The following RNF19A variants were observed in gnomAD, a reference collection of about 807,000 sequenced individuals.
RNF19A encodes ring finger protein 19A, RBR E3 ubiquitin protein ligase.
A neutral mutation model predicts 75.7 loss-of-function variants in RNF19A; 32 were observed. That is an observed-to-expected ratio of 0.42 (90% CI 0.32 to 0.57). RNF19A has a LOEUF of 0.57. Among genes scored for constraint, RNF19A ranks in the 20% least tolerant of loss-of-function variants. The probability of loss-of-function intolerance (pLI) is 0.10; values close to 1 mark genes in which losing one functional copy is unlikely to be tolerated. For synonymous variants in RNF19A, 335 were observed against 345.2 expected (o/e 0.97, Z 0.33); for missense variants, 782 against 1,036.3 (o/e 0.75, Z 3.37).
intron 1 of RNF19A, among the ~76,000 whole-genome samples, chr8:100,321,140 A>G (rs1788180): frequency 0.46 from 70,183 of 152,028 alleles, 17,150 homozygotes; most frequent in African/African-American, 0.63. Context: ...TTGCCACATC[A>G]ATTGACTCTT....
At chr8:100,311,008 T>C (rs1431264789), upstream of RNF19A, among the ~76,000 whole-genome samples, 1 of 152,230 alleles carries the variant, frequency 6.6e-6, no homozygotes, top group Non-Finnish European at 1.5e-5. Flanking sequence ...TAACATAGAA[T>C]ACTGAGAAAC....
rs748719285 is a variant in RNF19A, at chr8:100,259,925, T to G, written c.1755A>C (p.Gly585=). 4.3e-6 allele frequency: 7 copies of G among 1,613,984 alleles called. No individual in the cohort carries two copies. The South Asian group carries it at 7.7e-5, about 18-fold the overall frequency. Residue 585 remains glycine, a synonymous_variant, in exon 9 of 10, where the codon GGA becomes GGC. Coordinates refer to ENST00000341084, the MANE Select transcript of RNF19A (RefSeq NM_183419.4). This position sits in a 1 kb window ranked among gnomAD's most constrained non-coding sequence, Gnocchi z 4.5. ...LSGESGTVSL[G]TVSDNASTKA... ...TGGTGCTGGCATTATCACTAACTGT[T>G]CCCAAGCTGACTGTGCCAGATTCTC...
At chr8:100,295,924 T>C (rs770720767) in intron 1 of RNF19A, among the ~76,000 whole-genome samples, 13 of 152,318 alleles carry the variant, frequency 8.5e-5, no homozygotes, top group Non-Finnish European at 1.5e-4. Flanking sequence ...AAAAATCACA[T>C]TTAAATGTTA....
rs767173476 is a variant in RNF19A at position 100,268,896 on chromosome 8, T to C, written c.1080A>G (p.Lys360=). The change falls in exon 5 of 10, where the codon AAA becomes AAG. Residue 360 remains lysine (K), a synonymous_variant. Coordinates refer to ENST00000341084, the MANE Select transcript of RNF19A (RefSeq NM_183419.4). ...CCAGTGTTCCCAGTTGCCACAATAT[T>C]TTCTTCTTTCGGCTCCAGGGTTTCT... ...WGKKPWSRKK[K]ILWQLGTLVG... is the part of the protein sequence containing the mutation. The C allele has an allele frequency of 1.9e-6, 3 of 1,602,658 alleles. No individual in the cohort carries two copies. In the South Asian group the frequency reaches 3.3e-5, roughly 18 times the overall value.
In RNF19A at chr8:100,296,704, A is replaced by G. The variant is rs1821581102; in HGVS notation, c.-93-8437T>C. 2.0e-5 allele frequency among the ~76,000 whole-genome samples: 3 copies of G among 152,244 alleles called. No individual in the cohort carries two copies. In the South Asian group the frequency reaches 6.2e-4, roughly 31 times the overall value. ...GCTGAGATGTCAGATTTAACTTGCCAGTAAAAGTTAACAGTTTCTGTAAAT... is the reference window on the plus strand; with the variant it reads ...GCTGAGATGTCAGATTTAACTTGCCGGTAAAAGTTAACAGTTTCTGTAAAT... On this transcript the variant is annotated intron_variant, in intron 1 of 9. Coordinates refer to ENST00000341084, the MANE Select transcript of RNF19A (RefSeq NM_183419.4).
rs563545480 is a variant in RNF19A, at chr8:100,260,577, G to T, written c.1683-580C>A. On this transcript the variant is annotated intron_variant, in intron 8 of 9. Transcript: ENST00000341084. The surrounding 1 kb of genome is among the most constrained non-coding windows in gnomAD (Gnocchi z 4.1). Reference sequence around the variant, plus strand: ...GAGCCACTGAGCCCAACCAACATTTGCCTTTTTAAAAAGAGGTAGTATATA... The same window carrying T: ...GAGCCACTGAGCCCAACCAACATTTTCCTTTTTAAAAAGAGGTAGTATATA... Among the ~76,000 whole-genome samples the T allele has an allele frequency of 3.3e-5, 5 of 152,058 alleles. No homozygotes were observed. Among genetic ancestry groups the T allele is most frequent in the African/African-American group, 1.2e-4 (5 of 41,466 alleles).
intron 3 of RNF19A, among the ~76,000 whole-genome samples, chr8:100,272,860 T>G (rs950287633): frequency 6.7e-6 from 1 of 148,936 alleles, no homozygotes; most frequent in Non-Finnish European, 1.5e-5. Flanking sequence ...CTCACTGCAT[T>G]TCTAATTCTT....
intron 1 of RNF19A, among the ~76,000 whole-genome samples, chr8:100,334,597 C>T (rs906479101): frequency 6.6e-6 from 1 of 152,192 alleles, no homozygotes; most frequent in Non-Finnish European, 1.5e-5. Flanking sequence ...TTGTGCCCCA[C>T]CTCCGAGCTC....
At chr8:100,285,585 T>C (rs1442074374) in intron 2 of RNF19A, among the ~76,000 whole-genome samples, 1 of 152,162 alleles carries the variant, frequency 6.6e-6, no homozygotes, top group Non-Finnish European at 1.5e-5. Flanking sequence ...TAATATCTCC[T>C]GGCCAAAGGC....
At position 100,268,840 on chromosome 8, in the gene RNF19A, G is replaced by A; in HGVS notation, c.1136C>T (p.Ala379Val). ...VGAPVGIALI[A>V]GIAIPAMIIG... ...AATCATTGCAGGAATAGCAATGCCA[G>A]CTATTAAAGCGATTCCGACAGGAGC... Residue 379 changes from alanine (A) to valine (V), a missense_variant, in exon 5 of 10, where the codon GCT becomes GTT. By Grantham distance (64) the Ala-to-Val change is moderately conservative. Transcript: ENST00000341084. 3.7e-6 allele frequency: 6 copies of A among 1,600,398 alleles called. No homozygotes were observed. Among genetic ancestry groups the A allele is most frequent in the Non-Finnish European group, 5.1e-6 (6 of 1,172,022 alleles).
chr8:100,321,419 C>T (rs1341790034), intron 1 of RNF19A, among the ~76,000 whole-genome samples: 1 of 152,230 alleles, frequency 6.6e-6, no homozygotes, highest in Non-Finnish European at 1.5e-5. Context: ...CATGAGACTA[C>T]AGCAATTCAG....
Position 100,317,981 on chromosome 8 carries a change from A to C in RNF19A, c.-242-4609T>G, listed in dbSNP as rs1371867. On this transcript the variant is annotated intron_variant, in intron 1 of 3. Coordinates refer to the RNF19A transcript ENST00000519527. This position sits in a 1 kb window ranked among gnomAD's most constrained non-coding sequence, Gnocchi z 4.3. ...TTTTTGCCCCTGGATAGGGCCTAGAACACCCCCTCCCCACCCTCTCCAGCC... is the reference window on the plus strand; with the variant it reads ...TTTTTGCCCCTGGATAGGGCCTAGACCACCCCCTCCCCACCCTCTCCAGCC... Among the ~76,000 whole-genome samples, 79,015 of 151,594 alleles carry C rather than the reference A, an allele frequency of 0.52. 22,055 individuals are homozygous for C. The highest frequency in any genetic ancestry group is 0.74 in the African/African-American group (30,739 of 41,334).
chr8:100,324,136 C>A lies in RNF19A; in HGVS notation c.-242-10764G>T, dbSNP rs140741108. On this transcript the variant is annotated intron_variant, in intron 1 of 3. Coordinates refer to the RNF19A transcript ENST00000519527. This position sits in a 1 kb window ranked among gnomAD's most constrained non-coding sequence, Gnocchi z 4.2. ...AAATTCCCACACACTGAAGCTGCTACTATAATTTATTTTTTACAGCGGAGG... is the reference window on the plus strand; with the variant it reads ...AAATTCCCACACACTGAAGCTGCTAATATAATTTATTTTTTACAGCGGAGG... Among the ~76,000 whole-genome samples, 785 of 152,228 alleles carry A rather than the reference C, an allele frequency of 5.2e-3. 6 individuals are homozygous for A. The highest frequency in any genetic ancestry group is 0.018 in the African/African-American group (750 of 41,518).
At position 100,331,353 on chromosome 8, in the gene RNF19A, A is replaced by T. The variant is rs539329904; in HGVS notation, c.-243+4755T>A. ...TTATTTAGAACAGAAAAACAGATAT[A>T]GGCCAGGTATGGTGGCTCATGCCTG... is the stretch of plus-strand genomic sequence containing the variant. On this transcript the variant is annotated intron_variant, in intron 1 of 3. Coordinates refer to the RNF19A transcript ENST00000519527. This position sits in a 1 kb window ranked among gnomAD's most constrained non-coding sequence, Gnocchi z 5.2. Among the ~76,000 whole-genome samples the T allele has an allele frequency of 1.3e-5, 2 of 152,318 alleles. No individual in the cohort carries two copies. Among genetic ancestry groups the T allele is most frequent in the South Asian group, 4.1e-4 (2 of 4,830 alleles).
At chr8:100,285,952 G>A (rs559161929) in intron 2 of RNF19A, among the ~76,000 whole-genome samples, 37 of 152,238 alleles carry the variant, frequency 2.4e-4, no homozygotes, top group African/African-American at 8.4e-4. Flanking sequence ...CTTGCTATGG[G>A]AGTATTTGTT....
At chr8:100,334,529 G>A (rs1822650616) in intron 1 of RNF19A, among the ~76,000 whole-genome samples, 1 of 152,166 alleles carries the variant, frequency 6.6e-6, no homozygotes, top group Non-Finnish European at 1.5e-5. Context: ...AGCCCTGGCT[G>A]CACATTATAA....
Position 100,331,547 on chromosome 8 carries a change from G to A in RNF19A, c.-243+4561C>T, listed in dbSNP as rs765701622. ...AGCTACTCGGGAGGCTGAGGCAGGA[G>A]GATTGCTTGAGCCCAGGATGTCAAA... On this transcript the variant is annotated intron_variant, in intron 1 of 3. Coordinates refer to the RNF19A transcript ENST00000519527. This position sits in a 1 kb window ranked among gnomAD's most constrained non-coding sequence, Gnocchi z 5.2. Among the ~76,000 whole-genome samples the A allele has an allele frequency of 6.6e-6, 1 of 152,164 alleles. No individual in the cohort carries two copies. Among genetic ancestry groups the A allele is most frequent in the Non-Finnish European group, 1.5e-5 (1 of 68,034 alleles).
chr8:100,275,018 T>G lies in RNF19A; in HGVS notation c.818A>C (p.Gln273Pro), dbSNP rs1394917578. 18 of 1,614,088 alleles carry G rather than the reference T, an allele frequency of 1.1e-5. No individual in the cohort carries two copies. The highest frequency in any genetic ancestry group is 1.5e-5 in the Non-Finnish European group (18 of 1,180,038). Residue 273 changes from glutamine (Q) to proline (P), a missense_variant, in exon 3 of 10, where the codon CAG becomes CCG. Around this residue, in one of 7 missense-constraint regions of RNF19A, gnomAD observed 34 missense variants for 25.2 expected, o/e 1.35. Coordinates refer to ENST00000341084, the MANE Select transcript of RNF19A (RefSeq NM_183419.4). The surrounding 1 kb of genome is among the most constrained non-coding windows in gnomAD (Gnocchi z 4.3). Reference protein sequence around the residue: ...TCDAARQERAQSLRLRTIRSS... With the variant: ...TCDAARQERAPSLRLRTIRSS... ...ACGTATAGTTCTCAAACGTAAGCTCTGGGCTCTCTCTTGTCGAGCAGCATC... is the reference window on the plus strand; with the variant it reads ...ACGTATAGTTCTCAAACGTAAGCTCGGGGCTCTCTCTTGTCGAGCAGCATC...
chr8:100,307,215 G>A (rs950893381), intron 1 of RNF19A, among the ~76,000 whole-genome samples: 5 of 152,072 alleles, frequency 3.3e-5, no homozygotes, highest in African/African-American at 1.2e-4. Flanking sequence ...TTAGAAAAAC[G>A]AATAACAATT....
Sources: gnomAD v4.1 joint callset for allele counts (sites outside exome capture counted in the v4.1 genomes callset) on GRCh38, gnomAD v4.1.1 for gene constraint, gnomAD v4.1.1 regional missense constraint, Gnocchi (gnomAD v3.1) non-coding constraint, MANE v1.5 for transcripts, NCBI Gene and HGNC (gene_info 2026-07-23, HGNC 2026-07-21) for gene names.